PHB2: variants seen among roughly 807,000 people sequenced by gnomAD.
The protein encoded by PHB2 is prohibitin-2.
A neutral mutation model predicts 46.4 loss-of-function variants in PHB2; 22 were observed. That is an observed-to-expected ratio of 0.47 (90% confidence interval 0.34 to 0.68). The LOEUF (loss-of-function observed/expected upper bound fraction) is 0.68, where lower values mean the gene tolerates loss of function less well. PHB2 is among the 30% of genes least tolerant of loss of function. The probability of loss-of-function intolerance (pLI) is 0.01; values close to 1 mark genes in which losing one functional copy is unlikely to be tolerated. For synonymous variants in PHB2, 156 were observed against 150.5 expected (o/e 1.04, Z -0.27); for missense variants, 305 against 382.8 (o/e 0.80, Z 1.70).
rs1555150909 is a variant in PHB2 at position 6,967,196 on chromosome 12, C to T, written c.764G>A (p.Arg255Gln). 6 of 1,594,872 alleles carry T rather than the reference C, an allele frequency of 3.8e-6. No homozygotes were observed. The highest frequency in any genetic ancestry group is 1.3e-5 in the African/African-American group (1 of 74,532). ...CGTCTTGGAGATATTCTGGGCTGCTCGAATCTTGCGAAGTTTGATGTAGCC... is the reference window on the plus strand; with the variant it reads ...CGTCTTGGAGATATTCTGGGCTGCTTGAATCTTGCGAAGTTTGATGTAGCC... ...NPGYIKLRKI[R>Q]AAQNISKTIA... The change falls in exon 7 of 10, where the codon CGA (arginine) becomes CAA (glutamine). Residue 255 changes from arginine (R) to glutamine (Q), a missense_variant. Around this residue, in one of 3 missense-constraint regions of PHB2, gnomAD observed 241 missense variants for 302.7 expected, o/e 0.80. Transcript: ENST00000535923. The surrounding 1 kb of genome is among the most constrained non-coding windows in gnomAD (Gnocchi z 4.9).
Position 6,967,872 on chromosome 12 carries a change from C to T in PHB2, c.607+20G>A, listed in dbSNP as rs782540591. 3.1e-6 allele frequency: 5 copies of T among 1,613,078 alleles called. No individual in the cohort carries two copies. The highest frequency in any genetic ancestry group is 4.2e-6 in the Non-Finnish European group (5 of 1,179,336). ...CTCCTGCATCTCAGAAGCCCTCACCCCACGGCTCTTGCGACTCACCCACTT... is the reference window on the plus strand; with the variant it reads ...CTCCTGCATCTCAGAAGCCCTCACCTCACGGCTCTTGCGACTCACCCACTT... On this transcript the variant is annotated intron_variant, in intron 5 of 9. Transcript: ENST00000535923. The surrounding 1 kb of genome is among the most constrained non-coding windows in gnomAD (Gnocchi z 4.9).
At position 6,967,803 on chromosome 12, in the gene PHB2, G is replaced by A. The variant is rs1368937451; in HGVS notation, c.608-24C>T. ...GGCTGTGGTGGGAGAGAGTCAGGGA[G>A]ACCCTGTCCTGGGTCAGGAGCCCCA... On this transcript the variant is annotated intron_variant, in intron 5 of 9. Coordinates refer to ENST00000535923, the MANE Select transcript of PHB2 (RefSeq NM_001144831.2). The surrounding 1 kb of genome is among the most constrained non-coding windows in gnomAD (Gnocchi z 4.9). 2 of 1,610,540 alleles carry A rather than the reference G, an allele frequency of 1.2e-6. No homozygotes were observed. The highest frequency in any genetic ancestry group is 1.7e-6 in the Non-Finnish European group (2 of 1,177,522).
chr12:6,967,437 A>G lies in PHB2; in HGVS notation c.712-189T>C. On this transcript the variant is annotated intron_variant, in intron 6 of 9. Transcript: ENST00000535923. This position sits in a 1 kb window ranked among gnomAD's most constrained non-coding sequence, Gnocchi z 4.9. ...GCTGCTGCCAGGAACTAGGGGCAGC[A>G]CCAGAAATGAAGGCAAGGCCACCAA... 1 of 1,338,708 alleles carries G rather than the reference A, an allele frequency of 7.5e-7. No individual in the cohort carries two copies. The highest frequency in any genetic ancestry group is 1.1e-6 in the Non-Finnish European group (1 of 938,406). 82.9% of individuals were successfully genotyped at this position (1,338,708 alleles called of 1,614,324 possible).
At chr12:6,968,322 T>C in intron 4 of PHB2, 89 bp downstream of exon 4, 1 of 998,148 alleles carries the variant, frequency 1.0e-6, no homozygotes. Flanking sequence ...GTGACAATGC[T>C]TTTCTAATAA....
At chr12:6,966,065 T>C (rs1555150743) in intron 8 of PHB2, 149 bp from the exon 9 acceptor site, 1 of 834,634 alleles carries the variant, frequency 1.2e-6, no homozygotes, top group Non-Finnish European at 2.0e-6. Flanking sequence ...CTCAGGCTCA[T>C]GAAAGGAGGA....
chr12:6,970,602 C>T lies in PHB2; in HGVS notation c.-59G>A. ...GAAGGGGGTGCCGGCCCGCCTCTAC[C>T]CCGCTCCGGCTTAGGTACTGCACCC... is the stretch of plus-strand genomic sequence containing the variant. On this transcript the variant is annotated 5_prime_UTR_variant, in exon 1 of 10. Coordinates refer to ENST00000535923, the MANE Select transcript of PHB2 (RefSeq NM_001144831.2). 1 of 1,546,522 alleles carries T rather than the reference C, an allele frequency of 6.5e-7. No individual in the cohort carries two copies. Among genetic ancestry groups the T allele is most frequent in the South Asian group, 1.2e-5 (1 of 81,708 alleles).
Position 6,967,473 on chromosome 12 carries a change from C to A in PHB2, c.711+203G>T. On this transcript the variant is annotated intron_variant, in intron 6 of 9. Coordinates refer to ENST00000535923, the MANE Select transcript of PHB2 (RefSeq NM_001144831.2). This position sits in a 1 kb window ranked among gnomAD's most constrained non-coding sequence, Gnocchi z 4.9. ...AGGCAAGGCCACCAATGCTATTGATCTGGCCTTACAGTGGGGAGTCATGGC... is the reference window on the plus strand; with the variant it reads ...AGGCAAGGCCACCAATGCTATTGATATGGCCTTACAGTGGGGAGTCATGGC... 1 of 1,028,438 alleles carries A rather than the reference C, an allele frequency of 9.7e-7. No individual in the cohort carries two copies. Among genetic ancestry groups the A allele is most frequent in the Non-Finnish European group, 1.5e-6 (1 of 657,874 alleles). The allele number at this position is 1,028,438 out of a possible 1,614,324, so 63.7% of individuals were successfully genotyped here.
At chr12:6,968,672 G>A (rs1946258597) in intron 3 of PHB2, 77 bp from the exon 4 acceptor site, 1 of 1,143,578 alleles carries the variant, frequency 8.7e-7, no homozygotes, top group Non-Finnish European at 1.3e-6. Flanking sequence ...GTTCCTCCCT[G>A]TATGCCCTGT....
chr12:6,966,731 C>T (rs782505101), intron 7 of PHB2, among the ~76,000 whole-genome samples: 2 of 152,050 alleles, frequency 1.3e-5, no homozygotes, highest in Non-Finnish European at 2.9e-5. Flanking sequence ...GGAGGAGTAT[C>T]GGAGAAGCCA....
chr12:6,970,672 A>G, upstream of PHB2: 1 of 1,163,132 alleles, frequency 8.6e-7, no homozygotes, highest in Non-Finnish European at 1.2e-6. Context: ...AAGAAAGGGC[A>G]GCGGAAGTGC....
rs369571156 is a variant in PHB2, at chr12:6,970,267, G to A, written c.141C>T (p.His47=). The stretch of plus-strand genomic sequence containing the variant: ...CGATCCGATTGAAGAAGATGGCTCT[G>A]TGCCCGCCTTCCACTGTGGGGAGAT... The part of the protein sequence containing the change: ...RESVFTVEGG[H]RAIFFNRIGG... Residue 47 remains histidine, a synonymous_variant, in exon 2 of 10, where the codon CAC becomes CAT. Coordinates refer to ENST00000535923, the MANE Select transcript of PHB2 (RefSeq NM_001144831.2). The A allele has an allele frequency of 1.2e-6, 2 of 1,613,620 alleles. No homozygotes were observed. Among genetic ancestry groups the A allele is most frequent in the Non-Finnish European group, 8.5e-7 (1 of 1,179,798 alleles).
Position 6,965,778 on chromosome 12 carries a change from T to C in PHB2, c.873-66A>G, listed in dbSNP as rs945322895. 2.6e-6 allele frequency: 4 copies of C among 1,551,530 alleles called. No individual in the cohort carries two copies. In the African/African-American group the frequency reaches 5.4e-5, roughly 21 times the overall value. ...CATAAATGTGAGAGGCAGGACACTC[T>C]AGGCCATTCCCTCTACGACCCTCCT... On this transcript the variant is annotated intron_variant, in intron 9 of 9. Coordinates refer to ENST00000535923, the MANE Select transcript of PHB2 (RefSeq NM_001144831.2).
chr12:6,968,687 T>C lies in PHB2; in HGVS notation c.293-92A>G, dbSNP rs116886673. On this transcript the variant is annotated intron_variant, in intron 3 of 9. Transcript: ENST00000535923. The stretch of plus-strand genomic sequence containing the variant: ...GTTCCTCCCTGTATGCCCTGTGCAA[T>C]GGTGTACAGCCTGGCACTACCCTGG... The C allele has an allele frequency of 2.7e-5, 27 of 995,722 alleles. No homozygotes were observed. The East Asian group carries it at 6.9e-4, about 25-fold the overall frequency. 61.7% of individuals were successfully genotyped at this position (995,722 alleles called of 1,614,324 possible).
At chr12:6,968,080 A>C in intron 4 of PHB2, 59 bp from the exon 5 acceptor site, 1 of 1,502,380 alleles carries the variant, frequency 6.7e-7, no homozygotes, top group Non-Finnish European at 9.0e-7. Context: ...GGGGAGCTGA[A>C]AGGAAGGTTG....
intron 4 of PHB2, 63 bp downstream of exon 4, chr12:6,968,348 T>A (rs1466723168): frequency 1.6e-6 from 2 of 1,231,834 alleles, no homozygotes; most frequent in Non-Finnish European, 1.2e-6. Context: ...CTTTCCTAAT[T>A]CCCAATACTC....
chr12:6,969,767 C>T (rs782004986), intron 2 of PHB2, among the ~76,000 whole-genome samples, 190 bp from the exon 3 acceptor site: 4 of 152,090 alleles, frequency 2.6e-5, no homozygotes, highest in South Asian at 2.1e-4. Context: ...GGCGTGGTGG[C>T]GGGCGCCTGT....
chr12:6,965,610 G>A lies in PHB2; in HGVS notation c.*75C>T. The A allele has an allele frequency of 8.1e-7, 1 of 1,230,084 alleles. No homozygotes were observed. Among genetic ancestry groups the A allele is most frequent in the Non-Finnish European group, 1.2e-6 (1 of 842,590 alleles). The allele number at this position is 1,230,084 out of a possible 1,614,324, so 76.2% of individuals were successfully genotyped here. A position where few individuals can be genotyped will look rare whatever the true frequency, so the allele number is the denominator to read the frequency against. ...ACTGGGGCGGGGTAGGGCTGTGCTG[G>A]ACCCCTGGCTGGCTCCTCAAAAACT... is the stretch of plus-strand genomic sequence containing the variant. On this transcript the variant is annotated 3_prime_UTR_variant, in exon 10 of 10. Transcript: ENST00000535923.
chr12:6,968,752 G>A (rs918988749), intron 3 of PHB2, 157 bp from the exon 4 acceptor site: 14 of 685,264 alleles, frequency 2.0e-5, no homozygotes, highest in Non-Finnish European at 3.2e-5. Flanking sequence ...AAGACAAGAC[G>A]CAGCACAGCT....
Position 6,967,833 on chromosome 12 carries a change from T to C in PHB2, c.608-54A>G, listed in dbSNP as rs782057960. The stretch of plus-strand genomic sequence containing the variant: ...TGTCCTGGGTCAGGAGCCCCACCCA[T>C]GGAGTCTTTCCTCCTCCTGCATCTC... On this transcript the variant is annotated intron_variant, in intron 5 of 9. Coordinates refer to ENST00000535923, the MANE Select transcript of PHB2 (RefSeq NM_001144831.2). This position sits in a 1 kb window ranked among gnomAD's most constrained non-coding sequence, Gnocchi z 4.9. The C allele has an allele frequency of 2.0e-5, 33 of 1,609,880 alleles. No individual in the cohort carries two copies. The highest frequency in any genetic ancestry group is 2.6e-5 in the Non-Finnish European group (31 of 1,177,020).
Sources: gnomAD v4.1 joint callset for allele counts (sites outside exome capture counted in the v4.1 genomes callset) on GRCh38, gnomAD v4.1.1 for gene constraint, gnomAD v4.1.1 regional missense constraint, Gnocchi (gnomAD v3.1) non-coding constraint, MANE v1.5 for transcripts, NCBI Gene and HGNC (gene_info 2026-07-23, HGNC 2026-07-21) for gene names.